Variants in ABR observed in about 807,000 individuals in gnomAD.
ABR encodes active breakpoint cluster region-related protein.
Under a neutral mutation model 107.2 loss-of-function variants are expected in ABR, and 35 were observed. The observed-to-expected ratio is 0.33, with a 90% CI of 0.25 to 0.43. The LOEUF (loss-of-function observed/expected upper bound fraction) is 0.43. Ranked by LOEUF, ABR falls within the 20% of genes least tolerant of loss-of-function variation. ABR has a pLI of 1.00. For synonymous variants in ABR, 498 were observed against 462.0 expected (o/e 1.08, Z -1.00); for missense variants, 815 against 1,115.2 (o/e 0.73, Z 3.83).
At chr17:1,185,654 TAAAAAA>T (rs775804045) in intron 1 of ABR, among the ~76,000 whole-genome samples, 1 of 39,358 alleles carries the variant, frequency 2.5e-5, no homozygotes, top group African/African-American at 9.7e-5. Context: ...CAGAAAGAAA[TAAAAAA>T]AAAAAAAAAA....
chr17:1,196,746 G>A (rs1598109237), intron 1 of ABR, among the ~76,000 whole-genome samples: 1 of 150,468 alleles, frequency 6.6e-6, no homozygotes, highest in Non-Finnish European at 1.5e-5. Flanking sequence ...CCAGGCTGGA[G>A]TGCAGTGGCG....
At chr17:1,185,935 AAGCGATTCTCCTGCCTC>A (rs1209673067) in intron 1 of ABR, among the ~76,000 whole-genome samples, 1 of 142,316 alleles carries the variant, frequency 7.0e-6, no homozygotes, top group Non-Finnish European at 1.6e-5. Flanking sequence ...TCCTGGGTTC[AAGCGATTCTCCTGCCTC>A]AGCCTCCCGA....
intron 14 of ABR, 61 bp downstream of exon 14, chr17:1,055,974 G>A: frequency 6.6e-7 from 1 of 1,505,714 alleles, no homozygotes; most frequent in South Asian, 1.1e-5. Context: ...GCCCCATCCT[G>A]GGCAGAGCAG....
intron 16 of ABR, among the ~76,000 whole-genome samples, chr17:1,047,187 G>A (rs538942638): frequency 2.8e-4 from 43 of 152,358 alleles, no homozygotes; most frequent in African/African-American, 9.1e-4. Context: ...GAATATCCCC[G>A]AGGGCTGGGC....
At chr17:1,102,841 C>G (rs1206349018) in intron 2 of ABR, among the ~76,000 whole-genome samples, 2 of 152,064 alleles carry the variant, frequency 1.3e-5, no homozygotes, top group Non-Finnish European at 2.9e-5. Flanking sequence ...CTCCCGAGTA[C>G]CTGGGATTAC....
intron 16 of ABR, among the ~76,000 whole-genome samples, chr17:1,024,048 A>AAAAAAAAAAAAAAAAAAAAAT (rs1567596985): frequency 6.7e-6 from 1 of 148,496 alleles, no homozygotes; most frequent in Admixed American, 6.7e-5. Context: ...AAAAAAAAAA[A>AAAAAAAAAAAAAAAAAAAAAT]AGCAGCATCA....
intron 4 of ABR, among the ~76,000 whole-genome samples, chr17:1,090,747 G>T (rs9895884): frequency 0.029 from 4,345 of 152,262 alleles, 203 homozygotes; most frequent in African/African-American, 0.098. Context: ...AGGGGAGGAG[G>T]CCTCCAGCCT....
intron 1 of ABR, among the ~76,000 whole-genome samples, chr17:1,217,713 G>C (rs1005199800): frequency 3.3e-5 from 5 of 152,080 alleles, no homozygotes; most frequent in African/African-American, 1.2e-4. Context: ...TTGTTTTTTT[G>C]AGACGGAGTC....
In ABR at chr17:1,054,249, C is replaced by T. The variant is rs143680381; in HGVS notation, c.1561+1786G>A. On this transcript the variant is annotated intron_variant, in intron 14 of 22. Coordinates refer to ENST00000302538, the MANE Select transcript of ABR (RefSeq NM_021962.5). ...CTTTGCACATGTGAGTACGTCCACACGCCAGCCATGTTCTCACCTTCTCCA... is the reference window on the plus strand; with the variant it reads ...CTTTGCACATGTGAGTACGTCCACATGCCAGCCATGTTCTCACCTTCTCCA... 5.3e-3 allele frequency among the ~76,000 whole-genome samples: 814 copies of T among 152,344 alleles called. 7 individuals carry two copies. Among genetic ancestry groups the T allele is most frequent in the African/African-American group, 0.018 (767 of 41,572 alleles).
In ABR at chr17:1,179,954, C is replaced by T. The variant is rs1242434922; in HGVS notation, c.-227G>A. The stretch of plus-strand genomic sequence containing the variant: ...CCCGGCCCCAGCGGCCGCGCCGAGC[C>T]CAGCTGCGGATCCCGGAACCGATGA... On this transcript the variant is annotated 5_prime_UTR_variant, in exon 1 of 23. Transcript: ENST00000302538. This position sits in a 1 kb window ranked among gnomAD's most constrained non-coding sequence, Gnocchi z 4.9. The T allele has an allele frequency of 2.7e-6, 1 of 367,280 alleles. No homozygotes were observed. Among genetic ancestry groups the T allele is most frequent in the Non-Finnish European group, 4.8e-6 (1 of 209,874 alleles). The allele number at this position is 367,280 out of a possible 1,614,324, so 22.8% of individuals were successfully genotyped here.
At chr17:1,073,754 C>T (rs2035448567) in intron 6 of ABR, 77 bp from the exon 7 acceptor site, 1 of 1,338,270 alleles carries the variant, frequency 7.5e-7, no homozygotes, top group Non-Finnish European at 1.0e-6. Context: ...CCAGCTTCGT[C>T]CCCCCACCCG....
chr17:1,043,983 G>A (rs1317716392), intron 16 of ABR, among the ~76,000 whole-genome samples: 4 of 152,230 alleles, frequency 2.6e-5, no homozygotes, highest in Admixed American at 1.3e-4. Flanking sequence ...GTCTGGGGAC[G>A]CTGGCAGAAA....
At chr17:1,208,732 C>CA (rs1299993828) in intron 1 of ABR, among the ~76,000 whole-genome samples, 1 of 151,902 alleles carries the variant, frequency 6.6e-6, no homozygotes, top group East Asian at 1.9e-4. Context: ...ACTAAAAATA[C>CA]AAAAAATTAG....
chr17:1,023,973 C>T (rs941847369), intron 16 of ABR, among the ~76,000 whole-genome samples: 3 of 137,730 alleles, frequency 2.2e-5, no homozygotes, highest in African/African-American at 5.3e-5. Context: ...TGCGGTGAGC[C>T]GAGATTGTGC....
At chr17:1,141,652 C>T (rs1376063366) in intron 1 of ABR, among the ~76,000 whole-genome samples, 1 of 152,162 alleles carries the variant, frequency 6.6e-6, no homozygotes, top group South Asian at 2.1e-4. Flanking sequence ...CAAACCAGGG[C>T]TTTGGCAATT....
intron 2 of ABR, among the ~76,000 whole-genome samples, chr17:1,122,039 A>C (rs1214691377): frequency 6.6e-6 from 1 of 152,162 alleles, no homozygotes; most frequent in Non-Finnish European, 1.5e-5. Context: ...AGTAGCTGGG[A>C]TTACAGGCAT....
intron 16 of ABR, among the ~76,000 whole-genome samples, chr17:1,040,053 G>A (rs775161407): frequency 2.7e-4 from 41 of 152,164 alleles, no homozygotes; most frequent in Non-Finnish European, 4.9e-4. Context: ...TGTGGCCCAC[G>A]CGTGAGGCCT....
chr17:1,014,302 G>A (rs1373058047), intron 16 of ABR, among the ~76,000 whole-genome samples: 4 of 137,256 alleles, frequency 2.9e-5, no homozygotes, highest in Admixed American at 7.6e-5. Flanking sequence ...TTAGCCGGGC[G>A]TGGTGGCGGG....
intron 1 of ABR, among the ~76,000 whole-genome samples, chr17:1,223,304 A>ACACACACACACACACAC (rs71372591): frequency 6.7e-6 from 1 of 149,158 alleles, no homozygotes; most frequent in African/African-American, 2.5e-5. Context: ...AATCAGTAAC[A>ACACACACACACACACAC]ACACACACAC....
Sources: gnomAD v4.1 joint callset for allele counts (sites outside exome capture counted in the v4.1 genomes callset) on GRCh38, gnomAD v4.1.1 for gene constraint, Gnocchi (gnomAD v3.1) non-coding constraint, MANE v1.5 for transcripts, NCBI Gene and HGNC (gene_info 2026-07-23, HGNC 2026-07-21) for gene names.